Variants in CCSER1 observed in about 807,000 individuals in gnomAD.
CCSER1 encodes coiled-coil serine rich protein 1.
CCSER1 carries 41 observed loss-of-function variants against 82.0 expected under a neutral mutation model. The ratio of observed to expected loss-of-function variants is 0.50; its 90% CI spans 0.39 to 0.65. The LOEUF is 0.65. Ranked by LOEUF, CCSER1 falls within the 30% of genes least tolerant of loss-of-function variation. The pLI is 0.00. For missense variants in CCSER1, 1,119 were observed against 1,064.2 expected (o/e 1.05, Z -0.72); for synonymous variants, 414 against 383.9 (o/e 1.08, Z -0.92).
intron 10 of CCSER1, among the ~76,000 whole-genome samples, chr4:91,575,907 A>G (rs1763429939): frequency 2.0e-5 from 3 of 151,970 alleles, no homozygotes; most frequent in African/African-American, 7.2e-5. Context: ...TCATGAAAAT[A>G]TAAATTGGTT....
chr4:91,424,675 G>A (rs1426315738), intron 10 of CCSER1, among the ~76,000 whole-genome samples: 1 of 152,130 alleles, frequency 6.6e-6, no homozygotes, highest in East Asian at 1.9e-4. Flanking sequence ...CACATAGTAA[G>A]TGCTTGAGAA....
intron 1 of CCSER1, among the ~76,000 whole-genome samples, chr4:90,152,827 T>C (rs1727126252): frequency 6.6e-6 from 1 of 152,136 alleles, no homozygotes; most frequent in African/African-American, 2.4e-5. Flanking sequence ...TAGACCAGCA[T>C]GCTCAGAGTT....
intron 9 of CCSER1, among the ~76,000 whole-genome samples, chr4:91,082,864 C>T (rs540592818): frequency 4.6e-5 from 7 of 152,242 alleles, no homozygotes; most frequent in East Asian, 1.9e-4. Context: ...CAATGAGATA[C>T]CATCTCACAC....
At chr4:90,410,750 G>A (rs188970045) in intron 4 of CCSER1, among the ~76,000 whole-genome samples, 1 of 152,018 alleles carries the variant, frequency 6.6e-6, no homozygotes, top group East Asian at 1.9e-4. Flanking sequence ...CAACAGCTAG[G>A]AGAAGGCAAG....
chr4:90,949,472 T>A (rs1438588312), intron 9 of CCSER1, among the ~76,000 whole-genome samples: 1 of 152,084 alleles, frequency 6.6e-6, no homozygotes, highest in East Asian at 1.9e-4. Context: ...TGTGTCACAA[T>A]GATTTTGTTG....
intron 7 of CCSER1, among the ~76,000 whole-genome samples, chr4:90,803,334 G>A (rs1757065959): frequency 6.6e-6 from 1 of 151,756 alleles, no homozygotes; most frequent in South Asian, 2.1e-4. Context: ...CGTACTTTAG[G>A]TATTTCTCTA....
intron 4 of CCSER1, among the ~76,000 whole-genome samples, chr4:90,449,080 G>A (rs1761090326): frequency 6.6e-6 from 1 of 152,164 alleles, no homozygotes; most frequent in Admixed American, 6.5e-5. Context: ...AAACCACAGT[G>A]GATAGCTCCT....
chr4:91,556,824 T>A (rs973116758), intron 10 of CCSER1, among the ~76,000 whole-genome samples: 1 of 151,196 alleles, frequency 6.6e-6, no homozygotes, highest in South Asian at 2.1e-4. Context: ...TTAAGAAAAA[T>A]TATTGATTTC....
chr4:90,707,327 G>A (rs1012971477), intron 6 of CCSER1, among the ~76,000 whole-genome samples: 4 of 151,338 alleles, frequency 2.6e-5, no homozygotes, highest in Non-Finnish European at 5.9e-5. Flanking sequence ...TGTCCATTTG[G>A]AATTTCAAAC....
intron 10 of CCSER1, among the ~76,000 whole-genome samples, chr4:91,439,647 C>T (rs1238375294): frequency 6.6e-6 from 1 of 151,734 alleles, no homozygotes; most frequent in African/African-American, 2.4e-5. Flanking sequence ...CTAAATGCTC[C>T]AATTAAAAGA....
intron 1 of CCSER1, among the ~76,000 whole-genome samples, chr4:90,158,629 G>C (rs935461939): frequency 3.3e-5 from 5 of 152,180 alleles, no homozygotes; most frequent in Admixed American, 6.5e-5. Context: ...TTTGATCTCA[G>C]ACTGCTGTGC....
At chr4:91,331,694 T>C (rs895803661) in intron 10 of CCSER1, among the ~76,000 whole-genome samples, 1 of 152,156 alleles carries the variant, frequency 6.6e-6, no homozygotes, top group Admixed American at 6.6e-5. Flanking sequence ...AGCGTTGATT[T>C]TGCACATTTA....
At chr4:90,383,508 G>A (rs986241631) in intron 3 of CCSER1, among the ~76,000 whole-genome samples, 8 of 152,178 alleles carry the variant, frequency 5.3e-5, no homozygotes, top group Middle Eastern at 3.4e-3. Flanking sequence ...CCAAACTCAC[G>A]TATATTCAAA....
intron 5 of CCSER1, among the ~76,000 whole-genome samples, chr4:90,552,325 A>G (rs372597676): frequency 1.3e-5 from 2 of 152,326 alleles, no homozygotes; most frequent in East Asian, 1.9e-4. Flanking sequence ...TGTGGTATAT[A>G]CTAGACTCAT....
At chr4:90,869,643 C>T (rs1218354122) in intron 8 of CCSER1, among the ~76,000 whole-genome samples, 1 of 151,754 alleles carries the variant, frequency 6.6e-6, no homozygotes, top group Admixed American at 6.6e-5. Flanking sequence ...AATGTGATTC[C>T]TCCAGTTTTG....
intron 8 of CCSER1, among the ~76,000 whole-genome samples, chr4:90,822,561 T>C (rs1428428452): frequency 6.6e-6 from 1 of 152,002 alleles, no homozygotes; most frequent in Non-Finnish European, 1.5e-5. Context: ...ACCTCATCTC[T>C]ACTAAAAATA....
At chr4:90,303,623 T>G (rs1369521580) in intron 1 of CCSER1, among the ~76,000 whole-genome samples, 1 of 151,674 alleles carries the variant, frequency 6.6e-6, no homozygotes, top group Non-Finnish European at 1.5e-5. Context: ...ACTGGATCCC[T>G]TCCTTACACC....
At chr4:90,283,798 A>G (rs767077442) in intron 1 of CCSER1, among the ~76,000 whole-genome samples, 2 of 151,936 alleles carry the variant, frequency 1.3e-5, no homozygotes, top group African/African-American at 4.8e-5. Flanking sequence ...ATGGAAATGT[A>G]TATCTCTTTT....
intron 9 of CCSER1, among the ~76,000 whole-genome samples, chr4:91,044,891 T>C (rs1742310927): frequency 6.6e-6 from 1 of 152,248 alleles, no homozygotes; most frequent in South Asian, 2.1e-4. Context: ...TATTTCTTTA[T>C]TAAAGAGTTC....
Sources: gnomAD v4.1 joint callset for allele counts (sites outside exome capture counted in the v4.1 genomes callset) on GRCh38, gnomAD v4.1.1 for gene constraint, MANE v1.5 for transcripts, NCBI Gene and HGNC (gene_info 2026-07-23, HGNC 2026-07-21) for gene names.